ZFHX3: variants seen among roughly 807,000 people sequenced by gnomAD.
ZFHX3 encodes zinc finger homeobox protein 3.
A neutral mutation model predicts 279.1 loss-of-function variants in ZFHX3; 42 were observed. The ratio of observed to expected loss-of-function variants is 0.15; its 90% CI spans 0.12 to 0.19. The LOEUF (loss-of-function observed/expected upper bound fraction) is 0.19. Among genes scored for constraint, ZFHX3 ranks in the 10% least tolerant of loss-of-function variants. ZFHX3 has a pLI of 1.00. For synonymous variants in ZFHX3, 2,293 were observed against 1,957.8 expected (o/e 1.17, Z -4.52); for missense variants, 4,981 against 4,754.0 (o/e 1.05, Z -1.40).
intron 7 of ZFHX3, chr16:73,127,483 T>C (rs1488361648): frequency 1.5e-6 from 2 of 1,305,398 alleles, no homozygotes; most frequent in South Asian, 2.5e-5. Context: ...ACAGGCAAGA[T>C]CACTGGTCCC....
At chr16:73,553,936 A>G (rs2020238635) in intron 2 of ZFHX3, among the ~76,000 whole-genome samples, 1 of 152,266 alleles carries the variant, frequency 6.6e-6, no homozygotes. Flanking sequence ...AGTAGGGCAG[A>G]TGATCAGAAA....
chr16:73,780,165 A>G (rs1245534454), intron 1 of ZFHX3, among the ~76,000 whole-genome samples: 1 of 58,280 alleles, frequency 1.7e-5, no homozygotes, highest in Admixed American at 2.9e-4. Context: ...TTTTTGAGGC[A>G]GAGTCTTGCT....
intron 7 of ZFHX3, among the ~76,000 whole-genome samples, chr16:73,097,113 G>A (rs973254362): frequency 1.3e-5 from 2 of 151,780 alleles, no homozygotes; most frequent in Admixed American, 6.6e-5. Flanking sequence ...GAGTGCAGTG[G>A]CACCATCACA....
intron 4 of ZFHX3, among the ~76,000 whole-genome samples, chr16:72,843,878 C>A (rs1056384626): frequency 6.6e-6 from 1 of 152,134 alleles, no homozygotes; most frequent in Non-Finnish European, 1.5e-5. Flanking sequence ...ATACACAAAA[C>A]AAAACCAGCC....
exon 6 of ZFHX3, chr16:73,143,817 C>A: frequency 1.5e-6 from 2 of 1,300,228 alleles, no homozygotes; most frequent in Non-Finnish European, 2.0e-6. Context: ...GGGGTTGTAA[C>A]TTATATCTTC....
chr16:73,752,432 G>A (rs1183131388), intron 1 of ZFHX3, among the ~76,000 whole-genome samples: 1 of 152,132 alleles, frequency 6.6e-6, no homozygotes, highest in Non-Finnish European at 1.5e-5. Context: ...AGACATGGCT[G>A]CACTGAGGCA....
chr16:73,049,018 G>A (rs944820299), upstream of ZFHX3, among the ~76,000 whole-genome samples: 1 of 152,190 alleles, frequency 6.6e-6, no homozygotes, highest in Non-Finnish European at 1.5e-5. Context: ...GCCAGGGTAA[G>A]ATTTAAAGCG....
chr16:73,743,506 G>C (rs1257737755), intron 1 of ZFHX3, among the ~76,000 whole-genome samples: 1 of 152,096 alleles, frequency 6.6e-6, no homozygotes, highest in African/African-American at 2.4e-5. Flanking sequence ...AACAATATAT[G>C]CTACCAGATA....
At chr16:73,520,690 T>C (rs955069662) in intron 2 of ZFHX3, among the ~76,000 whole-genome samples, 2 of 152,196 alleles carry the variant, frequency 1.3e-5, no homozygotes, top group African/African-American at 4.8e-5. Context: ...GTTAATTGAA[T>C]GAATAAACCA....
At position 73,287,581 on chromosome 16, in the gene ZFHX3, TG is replaced by T. The variant is rs139188208; in HGVS notation, c.-1193-30446del. On this transcript the variant is annotated intron_variant, in intron 4 of 17. Coordinates refer to the ZFHX3 transcript ENST00000641206. ...CTGTGTGGGTCGGTGTGTGGCTGTA[TG>T]GGTTGGTGAGTGGCTGTGTGGGTGT... 9.7e-5 allele frequency among the ~76,000 whole-genome samples: 14 copies of T among 143,596 alleles called. No homozygotes were observed. The East Asian group carries it at 2.8e-3, about 29-fold the overall frequency. 94.2% of individuals were successfully genotyped at this position (143,596 alleles called of 152,430 possible).
At chr16:73,865,761 C>T (rs1961999834) in intron 1 of ZFHX3, among the ~76,000 whole-genome samples, 4 of 151,572 alleles carry the variant, frequency 2.6e-5, no homozygotes, top group Admixed American at 2.0e-4. Context: ...AGGCAGATCA[C>T]AAGGTCAGGA....
At chr16:73,733,335 T>G (rs908497196) in intron 1 of ZFHX3, among the ~76,000 whole-genome samples, 1 of 152,210 alleles carries the variant, frequency 6.6e-6, no homozygotes, top group African/African-American at 2.4e-5. Context: ...CTCATAAAGC[T>G]GCAGAGGTGC....
Position 73,329,413 on chromosome 16 carries a change from T to C in ZFHX3, c.-1290-11077A>G, listed in dbSNP as rs539059621. ...GATGGAGTTGTTTCTTAGCGTCTTGTGCGCTTAGCCATTTAATTAAAGCAA... is the reference window on the plus strand; with the variant it reads ...GATGGAGTTGTTTCTTAGCGTCTTGCGCGCTTAGCCATTTAATTAAAGCAA... On this transcript the variant is annotated intron_variant, in intron 3 of 17. Coordinates refer to the ZFHX3 transcript ENST00000641206. Among the ~76,000 whole-genome samples, 173 of 152,392 alleles carry C rather than the reference T, an allele frequency of 1.1e-3. 1 individual carries two copies. The highest frequency in any genetic ancestry group is 4.0e-3 in the African/African-American group (165 of 41,592).
At chr16:73,080,644 G>A (rs1965932080) in intron 8 of ZFHX3, among the ~76,000 whole-genome samples, 1 of 151,992 alleles carries the variant, frequency 6.6e-6, no homozygotes, top group South Asian at 2.1e-4. Flanking sequence ...TATGATCAGA[G>A]CTCACTGCAG....
intron 1 of ZFHX3, among the ~76,000 whole-genome samples, chr16:73,745,035 T>C (rs941271548): frequency 2.6e-5 from 4 of 152,022 alleles, no homozygotes; most frequent in African/African-American, 9.7e-5. Context: ...AACCCTTCAA[T>C]TTTTTTTGAC....
At chr16:73,639,399 A>T (rs1414717175) in intron 2 of ZFHX3, among the ~76,000 whole-genome samples, 1 of 152,226 alleles carries the variant, frequency 6.6e-6, no homozygotes, top group African/African-American at 2.4e-5. Context: ...ATTCCAAACC[A>T]AGAATCTCTA....
chr16:73,787,034 T>C (rs150130350), intron 1 of ZFHX3, among the ~76,000 whole-genome samples: 1 of 152,354 alleles, frequency 6.6e-6, no homozygotes, highest in East Asian at 1.9e-4. Context: ...ATTTCTTTTG[T>C]GCCATAATTT....
At chr16:73,235,104 C>G (rs2012900411) in intron 5 of ZFHX3, among the ~76,000 whole-genome samples, 2 of 152,240 alleles carry the variant, frequency 1.3e-5, no homozygotes, top group Non-Finnish European at 2.9e-5. Flanking sequence ...GAGTCTCACT[C>G]TATCAACCAG....
At chr16:73,104,006 G>C (rs1205025339) in intron 7 of ZFHX3, among the ~76,000 whole-genome samples, 1 of 152,198 alleles carries the variant, frequency 6.6e-6, no homozygotes, top group African/African-American at 2.4e-5. Flanking sequence ...TTGCATGGAA[G>C]CTGTGTGATG....
Sources: allele counts gnomAD v4.1 joint callset (sites outside exome capture counted in the v4.1 genomes callset), GRCh38; gene constraint gnomAD v4.1.1; transcripts MANE v1.5; gene names NCBI Gene and HGNC (gene_info 2026-07-23, HGNC 2026-07-21).